GRK3: variants seen among roughly 807,000 people sequenced by gnomAD.
GRK3 encodes the protein G protein-coupled receptor kinase 3.
A neutral mutation model predicts 95.7 loss-of-function variants in GRK3; 54 were observed. That is an observed-to-expected ratio of 0.56 (90% CI 0.45 to 0.71). The LOEUF (loss-of-function observed/expected upper bound fraction) is 0.71. GRK3 is among the 30% of genes least tolerant of loss of function. The pLI, the probability that GRK3 is intolerant of heterozygous loss-of-function variation, is 0.00. For synonymous variants in GRK3, 281 were observed against 290.8 expected, an observed-to-expected ratio of 0.97 and a Z score of 0.34; for missense variants, 649 against 851.2, an observed-to-expected ratio of 0.76 and a Z score of 2.96.
At chr22:25,651,123 CAAAAT>C (rs1239866735) in intron 3 of GRK3, among the ~76,000 whole-genome samples, 1 of 152,012 alleles carries the variant, frequency 6.6e-6, no homozygotes, top group Non-Finnish European at 1.5e-5. Flanking sequence ...GTGAAACATA[CAAAAT>C]AAAACTATTT....
chr22:25,601,509 C>T (rs2084409366), intron 1 of GRK3, among the ~76,000 whole-genome samples: 3 of 152,154 alleles, frequency 2.0e-5, no homozygotes, highest in South Asian at 2.1e-4. Context: ...GCAGTTAAAT[C>T]GATGCCTAGA....
chr22:25,699,782 T>G (rs938528501), intron 13 of GRK3, among the ~76,000 whole-genome samples: 37 of 147,002 alleles, frequency 2.5e-4, no homozygotes, highest in African/African-American at 8.8e-4. Flanking sequence ...CACTGCAACC[T>G]CTGCCTCACG....
rs2085483284 is a variant in GRK3 at position 25,727,382 on chromosome 22, T to C, written c.*4932T>C. 6.6e-6 allele frequency: 1 copy of C among 152,192 alleles called. No individual in the cohort carries two copies. The highest frequency in any genetic ancestry group is 2.4e-5 in the African/African-American group (1 of 41,452). 9.4% of individuals were successfully genotyped at this position (152,192 alleles called of 1,614,324 possible). ...GGCTTCCTCAAGTCACAATGAACTTTATATTTTCTTTGTCCTTAAGGACTA... is the reference window on the plus strand; with the variant it reads ...GGCTTCCTCAAGTCACAATGAACTTCATATTTTCTTTGTCCTTAAGGACTA... On this transcript the variant is annotated 3_prime_UTR_variant, in exon 21 of 21. Coordinates refer to ENST00000324198, the MANE Select transcript of GRK3 (RefSeq NM_005160.4).
chr22:25,604,385 G>T lies in GRK3; in HGVS notation c.122G>T (p.Ser41Ile), dbSNP rs147063201. The change falls in exon 2 of 21, where the codon AGT (serine) becomes ATT (isoleucine). Residue 41 changes from serine (S) to isoleucine (I), a missense_variant. Transcript: ENST00000324198. The part of the protein sequence containing the change: ...RIVLPEPSIR[S>I]VMQKYLAERN... Reference sequence around the variant, plus strand: ...TCACTCTTCCCTTCCAGTATCCGGAGTGTGATGCAGAAGTACCTTGCAGAG... The same window carrying T: ...TCACTCTTCCCTTCCAGTATCCGGATTGTGATGCAGAAGTACCTTGCAGAG... The T allele has an allele frequency of 1.1e-4, 183 of 1,610,208 alleles. No individual in the cohort carries two copies. The highest frequency in any genetic ancestry group is 5.0e-4 in the Middle Eastern group (3 of 6,030).
At chr22:25,715,136 C>T (rs1193995605) in intron 18 of GRK3, 1 of 152,256 alleles carries the variant, frequency 6.6e-6, no homozygotes, top group Non-Finnish European at 1.5e-5. Context: ...GATCAGATGA[C>T]ATCGGGTGTG....
intron 3 of GRK3, chr22:25,647,430 A>G (rs1342944525): frequency 5.3e-6 from 7 of 1,314,518 alleles, no homozygotes; most frequent in East Asian, 4.6e-5. Flanking sequence ...CCGTCTTTCC[A>G]TTCCATTATA....
At chr22:25,656,028 A>C (rs1331631814) in intron 3 of GRK3, among the ~76,000 whole-genome samples, 1 of 152,182 alleles carries the variant, frequency 6.6e-6, no homozygotes, top group Non-Finnish European at 1.5e-5. Flanking sequence ...AAACTTGGGA[A>C]AGCTTTTCTC....
At chr22:25,664,814 C>T (rs535587690) in intron 5 of GRK3, among the ~76,000 whole-genome samples, 4 of 152,192 alleles carry the variant, frequency 2.6e-5, no homozygotes, top group South Asian at 2.1e-4. Context: ...CCACCATGCC[C>T]GGCCAACTTT....
chr22:25,637,575 T>C (rs779621897), intron 2 of GRK3, among the ~76,000 whole-genome samples: 3 of 152,252 alleles, frequency 2.0e-5, no homozygotes, highest in Non-Finnish European at 2.9e-5. Context: ...TTTGGAGATA[T>C]AAGTTTTCAT....
rs1364461640 is a variant in GRK3, at chr22:25,564,701, G to A, written c.-340G>A. 1 of 152,112 alleles carries A rather than the reference G, an allele frequency of 6.6e-6. No homozygotes were observed. Among genetic ancestry groups the A allele is most frequent in the African/African-American group, 2.4e-5 (1 of 41,424 alleles). 9.4% of individuals were successfully genotyped at this position (152,112 alleles called of 1,614,324 possible). A position where few individuals can be genotyped will look rare whatever the true frequency, so the allele number is the denominator to read the frequency against. On this transcript the variant is annotated 5_prime_UTR_variant, in exon 1 of 21. Transcript: ENST00000324198. ...CTTGGTCGGGAGGCGCCGGCCCAGC[G>A]AGGCCGCTGGGACTGTGCACTGAGG...
intron 17 of GRK3, among the ~76,000 whole-genome samples, chr22:25,713,129 G>A (rs2085357173): frequency 6.6e-6 from 1 of 152,124 alleles, no homozygotes. Flanking sequence ...AACAGAGTTG[G>A]CCATTTCAGA....
chr22:25,640,078 G>T (rs1189614111), intron 2 of GRK3, among the ~76,000 whole-genome samples: 2 of 152,136 alleles, frequency 1.3e-5, no homozygotes, highest in Non-Finnish European at 2.9e-5. Flanking sequence ...GATTTGCCAG[G>T]TAGGTAACCA....
In GRK3 at chr22:25,685,226, C is replaced by T. The variant is rs1293433806; in HGVS notation, c.804C>T (p.Cys268=). The T allele has an allele frequency of 3.7e-6, 6 of 1,613,236 alleles. No homozygotes were observed. The highest frequency in any genetic ancestry group is 3.3e-5 in the Admixed American group (2 of 60,018). ...TYAFHTPDKL[C]FILDLMNGGD... ...CCTTCCATACCCCAGATAAACTCTG[C>T]TTCATCCTGGATCTGATGAACGGTA... Residue 268 remains cysteine, a synonymous_variant, in exon 10 of 21, where the codon TGC becomes TGT. Coordinates refer to ENST00000324198, the MANE Select transcript of GRK3 (RefSeq NM_005160.4).
intron 3 of GRK3, among the ~76,000 whole-genome samples, chr22:25,656,615 C>T (rs1034541787): frequency 9.9e-5 from 15 of 152,164 alleles, no homozygotes; most frequent in African/African-American, 2.9e-4. Context: ...GCATGAGCTA[C>T]TACTACTCCT....
intron 2 of GRK3, among the ~76,000 whole-genome samples, chr22:25,639,729 G>A (rs1008453920): frequency 6.6e-6 from 1 of 152,036 alleles, no homozygotes; most frequent in Non-Finnish European, 1.5e-5. Flanking sequence ...GATTGTAATT[G>A]CACTGAATCT....
intron 3 of GRK3, 131 bp downstream of exon 3, chr22:25,644,796 T>C (rs904885151): frequency 4.2e-5 from 21 of 496,096 alleles, no homozygotes; most frequent in Middle Eastern, 5.4e-4. Context: ...TAGTGCAAAA[T>C]ATAGTATCAA....
At chr22:25,616,103 G>C (rs1186320825) in intron 2 of GRK3, among the ~76,000 whole-genome samples, 2 of 151,836 alleles carry the variant, frequency 1.3e-5, no homozygotes, top group African/African-American at 4.9e-5. Context: ...GTGGGACATA[G>C]GGAAGTTTGA....
intron 1 of GRK3, chr22:25,580,429 G>A (rs1291230711): frequency 6.6e-6 from 1 of 152,212 alleles, no homozygotes; most frequent in African/African-American, 2.4e-5. Flanking sequence ...TGAAGGGGGA[G>A]TTGGGAAGTG....
At chr22:25,605,218 G>T (rs1411228134) in intron 2 of GRK3, among the ~76,000 whole-genome samples, 1 of 152,226 alleles carries the variant, frequency 6.6e-6, no homozygotes, top group South Asian at 2.1e-4. Context: ...GGACGGAGTG[G>T]TTTGGAGAAG....
Sources: allele counts gnomAD v4.1 joint callset (sites outside exome capture counted in the v4.1 genomes callset), GRCh38; gene constraint gnomAD v4.1.1; transcripts MANE v1.5; gene names NCBI Gene and HGNC (gene_info 2026-07-23, HGNC 2026-07-21).